The following SYT16 variants were observed in gnomAD, a reference collection of about 807,000 sequenced individuals.
The protein encoded by SYT16 is synaptotagmin-16.
A neutral mutation model predicts 61.4 loss-of-function variants in SYT16; 42 were observed. The observed-to-expected ratio is 0.68, with a 90% CI of 0.53 to 0.89. The LOEUF is 0.89. Ranked by LOEUF, SYT16 falls within the 40% of genes least tolerant of loss-of-function variation. The probability of loss-of-function intolerance (pLI) is 0.00; values close to 1 mark genes in which losing one functional copy is unlikely to be tolerated. For missense variants in SYT16, 804 were observed against 807.3 expected (o/e 1.00, Z 0.05); for synonymous variants, 314 against 302.3 (o/e 1.04, Z -0.40).
intron 1 of SYT16, among the ~76,000 whole-genome samples, chr14:61,815,696 TAA>T (rs1396675441): frequency 6.6e-6 from 1 of 152,184 alleles, no homozygotes; most frequent in Non-Finnish European, 1.5e-5. Context: ...AGGTTTTCAG[TAA>T]GTTATCATGA....
At chr14:62,036,547 A>G (rs1209723599) in intron 3 of SYT16, among the ~76,000 whole-genome samples, 2 of 152,148 alleles carry the variant, frequency 1.3e-5, no homozygotes, top group Non-Finnish European at 2.9e-5. Flanking sequence ...CATACCCAAA[A>G]CTGCCTAATT....
At chr14:62,019,315 A>G (rs1595171878) in intron 3 of SYT16, among the ~76,000 whole-genome samples, 1 of 152,204 alleles carries the variant, frequency 6.6e-6, no homozygotes, top group East Asian at 1.9e-4. Context: ...AAGATATTTG[A>G]TATGTTTTTT....
At chr14:61,874,111 T>C (rs1170098220) in intron 1 of SYT16, among the ~76,000 whole-genome samples, 1 of 152,218 alleles carries the variant, frequency 6.6e-6, no homozygotes, top group Non-Finnish European at 1.5e-5. Context: ...GCACCAGCGT[T>C]ATAGAGGATG....
chr14:62,077,797 G>A (rs1277097537), intron 5 of SYT16: 1 of 151,990 alleles, frequency 6.6e-6, no homozygotes, highest in Non-Finnish European at 1.5e-5. Context: ...AGCTTGAATT[G>A]GCCTATCCAA....
At chr14:62,086,111 G>T (rs984332959) in intron 7 of SYT16, among the ~76,000 whole-genome samples, 3 of 152,138 alleles carry the variant, frequency 2.0e-5, no homozygotes, top group South Asian at 4.1e-4. Flanking sequence ...GTACATCATC[G>T]TGCTTGAGAA....
chr14:61,965,712 A>G (rs1360415476), intron 1 of SYT16, among the ~76,000 whole-genome samples: 1 of 152,092 alleles, frequency 6.6e-6, no homozygotes, highest in East Asian at 1.9e-4. Flanking sequence ...GAAAAAACAA[A>G]TAGGGAAAAA....
intron 1 of SYT16, among the ~76,000 whole-genome samples, chr14:61,883,423 A>G (rs1318059608): frequency 6.6e-6 from 1 of 152,206 alleles, no homozygotes; most frequent in African/African-American, 2.4e-5. Context: ...CAGAGGCAAA[A>G]TGCCACCAAT....
intron 2 of SYT16, among the ~76,000 whole-genome samples, chr14:61,974,846 A>T (rs1240061239): frequency 6.6e-6 from 1 of 152,204 alleles, no homozygotes; most frequent in South Asian, 2.1e-4. Flanking sequence ...GCTCAGAAGG[A>T]TGGTTGCTAA....
At chr14:61,841,726 G>A (rs1195117655) in intron 1 of SYT16, among the ~76,000 whole-genome samples, 2 of 152,044 alleles carry the variant, frequency 1.3e-5, no homozygotes, top group Non-Finnish European at 2.9e-5. Flanking sequence ...GTTCATGTGT[G>A]CCATTTGGTT....
intron 7 of SYT16, among the ~76,000 whole-genome samples, chr14:62,092,200 A>C (rs1005619028): frequency 1.9e-5 from 2 of 105,656 alleles, no homozygotes; most frequent in African/African-American, 5.8e-5. Flanking sequence ...ACACACACAC[A>C]CACACACACA....
intron 3 of SYT16, among the ~76,000 whole-genome samples, chr14:62,027,898 A>G (rs2054162883): frequency 6.6e-6 from 1 of 152,084 alleles, no homozygotes; most frequent in Non-Finnish European, 1.5e-5. Context: ...GTATTTCTGA[A>G]ATGTTGCTCA....
chr14:62,061,825 G>C (rs1253968809), intron 3 of SYT16, among the ~76,000 whole-genome samples: 1 of 152,066 alleles, frequency 6.6e-6, no homozygotes, highest in South Asian at 2.1e-4. Context: ...CTCAGTAGCT[G>C]CTAGAGCAAT....
chr14:62,072,293 T>C (rs2056327339), intron 4 of SYT16, among the ~76,000 whole-genome samples: 2 of 152,222 alleles, frequency 1.3e-5, no homozygotes, highest in Admixed American at 1.3e-4. Context: ...ATATCTGCCA[T>C]GGTTCAATTG....
intron 1 of SYT16, among the ~76,000 whole-genome samples, chr14:61,905,565 T>G (rs958657975): frequency 1.3e-5 from 2 of 152,198 alleles, no homozygotes; most frequent in African/African-American, 4.8e-5. Context: ...AAACCCAGCC[T>G]ATGGCAACCT....
chr14:61,935,629 A>G (rs1234975944), intron 1 of SYT16, among the ~76,000 whole-genome samples: 1 of 152,196 alleles, frequency 6.6e-6, no homozygotes, highest in Non-Finnish European at 1.5e-5. Flanking sequence ...GACACGTGGC[A>G]GTTTCCCTTC....
At chr14:61,872,618 A>C (rs1427914318) in intron 1 of SYT16, among the ~76,000 whole-genome samples, 1 of 152,212 alleles carries the variant, frequency 6.6e-6, no homozygotes, top group African/African-American at 2.4e-5. Context: ...TCAAGAGAAG[A>C]CAATTTCTTG....
rs867843267 is a variant in SYT16, at chr14:62,102,582, G to T, written c.*1875G>T. 16 of 152,094 alleles carry T rather than the reference G, an allele frequency of 1.1e-4. No individual in the cohort carries two copies. The highest frequency in any genetic ancestry group is 1.0e-3 in the South Asian group (5 of 4,828). 9.4% of individuals were successfully genotyped at this position (152,094 alleles called of 1,614,324 possible). A position where few individuals can be genotyped will look rare whatever the true frequency, so the allele number is the denominator to read the frequency against. On this transcript the variant is annotated 3_prime_UTR_variant, in exon 8 of 8. Transcript: ENST00000683842. ...TAAGTCATTGAGTAGAACTGAGTGCGATTGATTAAGTAGCAGCACAAAGAA... is the reference window on the plus strand; with the variant it reads ...TAAGTCATTGAGTAGAACTGAGTGCTATTGATTAAGTAGCAGCACAAAGAA...
intron 3 of SYT16, among the ~76,000 whole-genome samples, chr14:62,021,467 A>G (rs1316544484): frequency 7.1e-6 from 1 of 140,362 alleles, no homozygotes; most frequent in Non-Finnish European, 1.5e-5. Flanking sequence ...TTATTTTATT[A>G]TTATTATTTT....
chr14:61,866,561 T>G (rs1018003698), intron 1 of SYT16, among the ~76,000 whole-genome samples: 2 of 152,172 alleles, frequency 1.3e-5, no homozygotes, highest in African/African-American at 4.8e-5. Context: ...TTGCCATCTA[T>G]ACCTATTCTT....
Sources: allele counts gnomAD v4.1 joint callset (sites outside exome capture counted in the v4.1 genomes callset), GRCh38; gene constraint gnomAD v4.1.1; transcripts MANE v1.5; gene names NCBI Gene and HGNC (gene_info 2026-07-23, HGNC 2026-07-21).